Variants in HMCN1 observed in about 807,000 individuals in gnomAD.
The protein encoded by HMCN1 is hemicentin-1.
In HMCN1, 321 loss-of-function variants were observed where a neutral mutation model predicts 625.9. The observed-to-expected ratio is 0.51, with a 90% CI of 0.47 to 0.56. The LOEUF (loss-of-function observed/expected upper bound fraction) is 0.56. Ranked by LOEUF, HMCN1 falls within the 20% of genes least tolerant of loss-of-function variation. The probability of loss-of-function intolerance (pLI) is 0.00; values close to 1 mark genes in which losing one functional copy is unlikely to be tolerated. For missense variants in HMCN1, 6,588 were observed against 6,887.3 expected (o/e 0.96, Z 1.54); for synonymous variants, 2,425 against 2,417.6 (o/e 1.00, Z -0.09).
intron 19 of HMCN1, among the ~76,000 whole-genome samples, chr1:185,985,945 CCA>C (rs1651970192): frequency 6.6e-6 from 1 of 152,156 alleles, no homozygotes; most frequent in Admixed American, 6.5e-5. Context: ...AACTTCTCTT[CCA>C]CACCCAAATG....
At chr1:185,872,822 T>C (rs988079089) in intron 4 of HMCN1, among the ~76,000 whole-genome samples, 11 of 152,236 alleles carry the variant, frequency 7.2e-5, no homozygotes, top group East Asian at 1.9e-4. Context: ...AGTGGGATCA[T>C]CTCTACACAA....
intron 1 of HMCN1, among the ~76,000 whole-genome samples, chr1:185,830,447 A>T (rs1416652353): frequency 1.3e-5 from 2 of 152,152 alleles, no homozygotes; most frequent in Admixed American, 1.3e-4. Context: ...GAAGGGGTTC[A>T]ATTTCAGTTT....
At chr1:185,763,881 TTTAAA>T (rs775199918) in intron 1 of HMCN1, among the ~76,000 whole-genome samples, 1 of 152,212 alleles carries the variant, frequency 6.6e-6, no homozygotes, top group Non-Finnish European at 1.5e-5. Context: ...TAATTAAACA[TTTAAA>T]TTAAATAAGA....
chr1:185,844,648 T>C (rs1661699326), intron 1 of HMCN1, among the ~76,000 whole-genome samples: 1 of 152,224 alleles, frequency 6.6e-6, no homozygotes, highest in East Asian at 1.9e-4. Flanking sequence ...CGAATGAGTC[T>C]ATATCATCAT....
At chr1:185,787,613 C>T (rs1259184381) in intron 1 of HMCN1, among the ~76,000 whole-genome samples, 2 of 152,242 alleles carry the variant, frequency 1.3e-5, no homozygotes, top group East Asian at 3.9e-4. Flanking sequence ...GGCTCCCCAT[C>T]TTCCAGCAAG....
chr1:185,831,017 A>T (rs1355668751), intron 1 of HMCN1, among the ~76,000 whole-genome samples: 1 of 152,228 alleles, frequency 6.6e-6, no homozygotes, highest in Non-Finnish European at 1.5e-5. Flanking sequence ...CAAAAACTTG[A>T]TAACATTAAT....
chr1:186,036,380 A>G (rs1655823477), intron 36 of HMCN1, among the ~76,000 whole-genome samples: 1 of 152,114 alleles, frequency 6.6e-6, no homozygotes, highest in African/African-American at 2.4e-5. Context: ...CACATCTCAC[A>G]TGGTGGCAGA....
rs1663158446 is a variant in HMCN1, at chr1:185,865,861, G to A, written c.619G>A (p.Glu207Lys). The change falls in exon 4 of 107, where the codon GAG becomes AAG. Residue 207 changes from glutamate to lysine, a missense_variant and splice_region_variant. By Grantham distance (56) the Glu-to-Lys change is moderately conservative. This residue lies in a region of HMCN1 where 4,628 missense variants were observed against 4,853.1 expected (regional missense o/e 0.95). Coordinates refer to ENST00000271588, the MANE Select transcript of HMCN1 (RefSeq NM_031935.3). ...CCATCTGGACAAAAAACAAGTTAAT[G>A]AGGTCAGTTTAATAAAGGGAGTCTA... ...VFHLDKKQVNEVLKWVEEAVQ... is the reference protein window; with the variant it reads ...VFHLDKKQVNKVLKWVEEAVQ... The A allele has an allele frequency of 1.2e-6, 2 of 1,613,256 alleles. No individual in the cohort carries two copies. The highest frequency in any genetic ancestry group is 1.7e-5 in the Admixed American group (1 of 59,976).
At chr1:185,928,312 C>G (rs1015014599) in intron 9 of HMCN1, among the ~76,000 whole-genome samples, 1 of 151,994 alleles carries the variant, frequency 6.6e-6, no homozygotes, top group African/African-American at 2.4e-5. Flanking sequence ...AATAAATTTT[C>G]AATCTCTATA....
At chr1:185,806,997 T>C (rs1428745792) in intron 1 of HMCN1, among the ~76,000 whole-genome samples, 1 of 152,152 alleles carries the variant, frequency 6.6e-6, no homozygotes, top group Non-Finnish European at 1.5e-5. Context: ...AATTACACCT[T>C]TGACTTTGAA....
At chr1:186,186,991 GTC>G (rs1198785921) in intron 105 of HMCN1, among the ~76,000 whole-genome samples, 6,492 of 80,798 alleles carry the variant, frequency 0.08, 356 homozygotes, top group African/African-American at 0.23. Context: ...CTCTGTCTCT[GTC>G]TCACACACAC....
chr1:186,124,976 TA>T (rs1412841629), intron 81 of HMCN1, among the ~76,000 whole-genome samples: 2 of 152,100 alleles, frequency 1.3e-5, no homozygotes, highest in East Asian at 3.8e-4. Flanking sequence ...AAATTCTAGT[TA>T]AAAAAATTTG....
chr1:186,169,069 C>CAT (rs1317244434), intron 100 of HMCN1, among the ~76,000 whole-genome samples: 1 of 152,148 alleles, frequency 6.6e-6, no homozygotes, highest in Non-Finnish European at 1.5e-5. Context: ...TTTCCAGCTT[C>CAT]ATCCATGTCC....
At chr1:185,909,239 G>T in intron 4 of HMCN1, 98 bp from the exon 5 acceptor site, 1 of 875,974 alleles carries the variant, frequency 1.1e-6, no homozygotes. Context: ...TCCAGGATGT[G>T]CCGGAGTCAT....
intron 86 of HMCN1, among the ~76,000 whole-genome samples, chr1:186,132,862 G>GT (rs1424535457): frequency 1.3e-5 from 2 of 151,752 alleles, no homozygotes; most frequent in Non-Finnish European, 2.9e-5. Flanking sequence ...TCATTGTTCA[G>GT]TTCCCACCTA....
chr1:185,825,098 A>C (rs1356346107), intron 1 of HMCN1, among the ~76,000 whole-genome samples: 2 of 152,180 alleles, frequency 1.3e-5, no homozygotes, highest in Non-Finnish European at 2.9e-5. Context: ...GTTAAGACTC[A>C]ATAAATACTT....
At chr1:185,865,036 C>A (rs1356462094) in intron 3 of HMCN1, among the ~76,000 whole-genome samples, 1 of 152,220 alleles carries the variant, frequency 6.6e-6, no homozygotes, top group Non-Finnish European at 1.5e-5. Flanking sequence ...TGGTCTAAAA[C>A]AATAAGCATT....
chr1:185,923,431 A>T lies in HMCN1; in HGVS notation c.1063A>T (p.Thr355Ser). Residue 355 changes from threonine (T) to serine (S), a missense_variant, in exon 8 of 107, where the codon ACT (threonine) becomes TCT (serine). Around this residue, in one of 3 missense-constraint regions of HMCN1, gnomAD observed 4,628 missense variants for 4,853.1 expected, o/e 0.95. Coordinates refer to ENST00000271588, the MANE Select transcript of HMCN1 (RefSeq NM_031935.3). ...ACTGCTCAATACTTCTGGAATTTCC[A>T]CTCCAGCTAGAATAGATCTTCTTGA... is the stretch of plus-strand genomic sequence containing the variant. ...YVLLNTSGIS[T>S]PARIDLLELL... The T allele has an allele frequency of 6.2e-7, 1 of 1,610,960 alleles. No individual in the cohort carries two copies. Among genetic ancestry groups the T allele is most frequent in the Non-Finnish European group, 8.5e-7 (1 of 1,177,596 alleles).
At chr1:185,920,910 G>A (rs192051458) in intron 6 of HMCN1, among the ~76,000 whole-genome samples, 15 of 152,236 alleles carry the variant, frequency 9.9e-5, no homozygotes, top group Admixed American at 3.9e-4. Context: ...TTAACTCACC[G>A]TAAGATCAAG....
Sources: gnomAD v4.1 joint callset for allele counts (sites outside exome capture counted in the v4.1 genomes callset) on GRCh38, gnomAD v4.1.1 for gene constraint, gnomAD v4.1.1 regional missense constraint, MANE v1.5 for transcripts, NCBI Gene and HGNC (gene_info 2026-07-23, HGNC 2026-07-21) for gene names.